The following ASTN2 variants were observed in gnomAD, a reference collection of about 807,000 sequenced individuals.
The protein encoded by ASTN2 is astrotactin-2.
In ASTN2, 54 loss-of-function variants were observed where a neutral mutation model predicts 139.8. The ratio of observed to expected loss-of-function variants is 0.39; its 90% CI spans 0.31 to 0.48. The LOEUF is 0.48. ASTN2 is among the 20% of genes least tolerant of loss of function. ASTN2 has a pLI of 0.95. For missense variants in ASTN2, 1,565 were observed against 1,725.1 expected, an observed-to-expected ratio of 0.91 and a Z score of 1.64; for synonymous variants, 756 against 719.5, an observed-to-expected ratio of 1.05 and a Z score of -0.81.
At chr9:116,849,607 C>T (rs1222529096) in intron 11 of ASTN2, among the ~76,000 whole-genome samples, 1 of 152,168 alleles carries the variant, frequency 6.6e-6, no homozygotes, top group Non-Finnish European at 1.5e-5. Flanking sequence ...GGGATCGAGA[C>T]AGGATTTGAA....
At chr9:116,619,688 ATTTTT>A (rs766517097) in intron 18 of ASTN2, among the ~76,000 whole-genome samples, 1 of 74,316 alleles carries the variant, frequency 1.3e-5, no homozygotes, top group Non-Finnish European at 2.5e-5. Flanking sequence ...CACACGGGCT[ATTTTT>A]TTTTTTTTTT....
chr9:116,428,481 G>A (rs1029305947), intron 22 of ASTN2, among the ~76,000 whole-genome samples: 7 of 151,314 alleles, frequency 4.6e-5, no homozygotes, highest in East Asian at 1.9e-4. Context: ...CCAAGATCGC[G>A]CCACTGCACT....
At chr9:116,837,829 T>A (rs1167008606) in intron 11 of ASTN2, among the ~76,000 whole-genome samples, 1 of 152,142 alleles carries the variant, frequency 6.6e-6, no homozygotes, top group Non-Finnish European at 1.5e-5. Flanking sequence ...CTGGGTGACA[T>A]CAGTGTGGCA....
At chr9:117,034,113 ACTGTTAC>A (rs1299840309) in intron 6 of ASTN2, among the ~76,000 whole-genome samples, 1 of 152,104 alleles carries the variant, frequency 6.6e-6, no homozygotes, top group African/African-American at 2.4e-5. Flanking sequence ...TTCTAGGTGG[ACTGTTAC>A]CTGCCTACAC....
Position 116,440,687 on chromosome 9 carries a change from C to T in ASTN2, c.3704G>A (p.Arg1235Gln), listed in dbSNP as rs745923738. ...GTGAGAGTTGTAGTGGTGCTGGACT[C>T]GGAACAGCATCGAGGCTGAGACCTC... Reference protein sequence around the residue: ...LMEVSASMLFRVQHHYNSHYE... With the variant: ...LMEVSASMLFQVQHHYNSHYE... Residue 1235 changes from arginine (R) to glutamine (Q), a missense_variant, in exon 22 of 23, where the codon CGA becomes CAA. Arg to Gln is a conservative substitution (Grantham distance 43, BLOSUM62 1). Coordinates refer to ENST00000313400, the MANE Select transcript of ASTN2 (RefSeq NM_001365068.1). The T allele has an allele frequency of 1.9e-6, 3 of 1,614,178 alleles. No individual in the cohort carries two copies. The highest frequency in any genetic ancestry group is 2.5e-6 in the Non-Finnish European group (3 of 1,180,046).
chr9:117,407,993 C>A (rs1272250028), intron 1 of ASTN2, among the ~76,000 whole-genome samples: 1 of 152,142 alleles, frequency 6.6e-6, no homozygotes, highest in African/African-American at 2.4e-5. Flanking sequence ...CTCCACCCAC[C>A]CCCAAAGGCA....
intron 19 of ASTN2, among the ~76,000 whole-genome samples, chr9:116,593,294 C>T (rs942582856): frequency 2.0e-5 from 3 of 152,138 alleles, no homozygotes; most frequent in Admixed American, 6.5e-5. Flanking sequence ...AGGCACTGGG[C>T]GTGGGCCGAA....
intron 16 of ASTN2, chr9:116,700,469 A>C (rs1245877308): frequency 6.0e-6 from 1 of 167,166 alleles, no homozygotes; most frequent in Non-Finnish European, 1.5e-5. Context: ...GCTGGGAATA[A>C]GCAAACAAAT....
intron 16 of ASTN2, among the ~76,000 whole-genome samples, chr9:116,684,720 G>C (rs572994608): frequency 7.9e-4 from 120 of 152,288 alleles, no homozygotes; most frequent in African/African-American, 2.8e-3. Flanking sequence ...TCCCCTGTCA[G>C]CAAGAAGAAC....
At chr9:116,841,958 G>C (rs1364583484) in intron 11 of ASTN2, among the ~76,000 whole-genome samples, 3 of 152,174 alleles carry the variant, frequency 2.0e-5, no homozygotes, top group Admixed American at 2.0e-4. Context: ...CAGGTGAGCT[G>C]CCTTGGGTCA....
At chr9:116,703,065 C>T (rs1036398154) in intron 16 of ASTN2, among the ~76,000 whole-genome samples, 1 of 151,796 alleles carries the variant, frequency 6.6e-6, no homozygotes, top group African/African-American at 2.4e-5. Flanking sequence ...CTGACTTCCA[C>T]AATGGTTGAA....
At chr9:117,259,086 C>T (rs75634231) in intron 2 of ASTN2, among the ~76,000 whole-genome samples, 157 of 152,252 alleles carry the variant, frequency 1.0e-3, no homozygotes, top group African/African-American at 3.6e-3. Context: ...TTCAGCCCTT[C>T]CACCCTCCCA....
chr9:116,501,474 T>C (rs989133063), intron 19 of ASTN2, among the ~76,000 whole-genome samples: 1 of 152,182 alleles, frequency 6.6e-6, no homozygotes, highest in East Asian at 1.9e-4. Flanking sequence ...CCTTTGGGTA[T>C]ATACCCAGTA....
chr9:117,160,014 T>G (rs1299733333), intron 3 of ASTN2, among the ~76,000 whole-genome samples: 1 of 151,962 alleles, frequency 6.6e-6, no homozygotes, highest in Admixed American at 6.6e-5. Context: ...CACAAAGATA[T>G]GAAAGTCACA....
chr9:116,513,636 C>A (rs879823120), intron 19 of ASTN2, among the ~76,000 whole-genome samples: 1 of 152,180 alleles, frequency 6.6e-6, no homozygotes, highest in Non-Finnish European at 1.5e-5. Context: ...TTCAGGTACA[C>A]CTATCAGACG....
chr9:116,772,966 C>A (rs1362072390), intron 13 of ASTN2, among the ~76,000 whole-genome samples: 2 of 151,998 alleles, frequency 1.3e-5, no homozygotes, highest in Admixed American at 6.6e-5. Flanking sequence ...TTCCTAGAAG[C>A]AGTAGAATAA....
intron 16 of ASTN2, among the ~76,000 whole-genome samples, chr9:116,702,757 C>T (rs1246517853): frequency 2.0e-5 from 3 of 152,112 alleles, no homozygotes; most frequent in Non-Finnish European, 4.4e-5. Context: ...TAAGCCCCTC[C>T]TCCCTTTATC....
intron 10 of ASTN2, among the ~76,000 whole-genome samples, chr9:116,923,515 A>T (rs116695704): frequency 6.6e-6 from 1 of 152,164 alleles, no homozygotes; most frequent in African/African-American, 2.4e-5. Context: ...TTATGAGAAA[A>T]GGTGAGTGAG....
chr9:116,477,004 G>C (rs1049895846), intron 20 of ASTN2, among the ~76,000 whole-genome samples: 2 of 152,102 alleles, frequency 1.3e-5, no homozygotes, highest in African/African-American at 2.4e-5. Context: ...CAGTATTCAA[G>C]GCTTAGCCCT....
Sources: gnomAD v4.1 joint callset for allele counts (sites outside exome capture counted in the v4.1 genomes callset) on GRCh38, gnomAD v4.1.1 for gene constraint, MANE v1.5 for transcripts, NCBI Gene and HGNC (gene_info 2026-07-23, HGNC 2026-07-21) for gene names.